Variants in ST6GALNAC3 observed in about 807,000 individuals in gnomAD.
The protein encoded by ST6GALNAC3 is ST6 N-acetylgalactosaminide alpha-2,6-sialyltransferase 3.
ST6GALNAC3 carries 25 observed loss-of-function variants against 32.7 expected under a neutral mutation model. That is an observed-to-expected ratio of 0.76 (90% CI 0.56 to 1.07). The LOEUF is 1.07. Among genes scored for constraint, ST6GALNAC3 ranks in the 50% least tolerant of loss-of-function variants. The pLI, the probability that ST6GALNAC3 is intolerant of heterozygous loss-of-function variation, is 0.00. For synonymous variants in ST6GALNAC3, 129 were observed against 133.1 expected (o/e 0.97, Z 0.21); for missense variants, 355 against 382.4 (o/e 0.93, Z 0.60).
At chr1:76,451,623 G>A (rs574238678) in intron 3 of ST6GALNAC3, among the ~76,000 whole-genome samples, 5 of 152,262 alleles carry the variant, frequency 3.3e-5, no homozygotes, top group East Asian at 3.9e-4. Context: ...TCTTTGCACA[G>A]TTCTTTCACC....
chr1:76,309,476 C>T (rs1646714029), intron 1 of ST6GALNAC3, among the ~76,000 whole-genome samples: 1 of 152,096 alleles, frequency 6.6e-6, no homozygotes, highest in African/African-American at 2.4e-5. Context: ...GATGTGTAGC[C>T]TTCTGTCTCA....
intron 3 of ST6GALNAC3, among the ~76,000 whole-genome samples, chr1:76,568,120 G>A (rs1234493419): frequency 6.6e-6 from 1 of 152,126 alleles, no homozygotes; most frequent in African/African-American, 2.4e-5. Context: ...CTCACCGGGG[G>A]CATTAGCCAG....
chr1:76,315,091 AG>A (rs1384001927), intron 2 of ST6GALNAC3, among the ~76,000 whole-genome samples: 1 of 151,798 alleles, frequency 6.6e-6, no homozygotes, highest in African/African-American at 2.4e-5. Flanking sequence ...GTTGAAAAAA[AG>A]CACCATTAAT....
At position 76,632,116 on chromosome 1, in the gene ST6GALNAC3, A is replaced by T. The variant is rs1347725124; in HGVS notation, c.*3310A>T. ...TAACTATATATAAAAGCATATATAT[A>T]ATCCTATATTCTTCACTGGTGCATG... On this transcript the variant is annotated 3_prime_UTR_variant, in exon 5 of 5. Coordinates refer to ENST00000328299, the MANE Select transcript of ST6GALNAC3 (RefSeq NM_152996.4). 6.6e-6 allele frequency: 1 copy of T among 152,116 alleles called. No individual in the cohort carries two copies. Among genetic ancestry groups the T allele is most frequent in the African/African-American group, 2.4e-5 (1 of 41,430 alleles). The allele number at this position is 152,116 out of a possible 1,614,324, so 9.4% of individuals were successfully genotyped here. A position where few individuals can be genotyped will look rare whatever the true frequency, so the allele number is the denominator to read the frequency against.
At chr1:76,581,611 C>T (rs567278826) in intron 3 of ST6GALNAC3, among the ~76,000 whole-genome samples, 3 of 152,246 alleles carry the variant, frequency 2.0e-5, no homozygotes, top group Admixed American at 2.0e-4. Context: ...AATTTTTGAG[C>T]ATTTAACCTC....
chr1:76,354,703 T>C (rs1022489872), intron 2 of ST6GALNAC3, among the ~76,000 whole-genome samples: 3 of 152,198 alleles, frequency 2.0e-5, no homozygotes, highest in African/African-American at 7.2e-5. Flanking sequence ...TTATTTCTTT[T>C]CAGATGATTA....
chr1:76,190,795 G>C (rs11162098), intron 1 of ST6GALNAC3, among the ~76,000 whole-genome samples: 21,742 of 152,160 alleles, frequency 0.14, 1,731 homozygotes, highest in African/African-American at 0.18. Flanking sequence ...CATCTAAAAA[G>C]AGCAAGAAAG....
intron 1 of ST6GALNAC3, among the ~76,000 whole-genome samples, chr1:76,180,926 TG>T (rs1432060922): frequency 6.6e-6 from 1 of 152,238 alleles, no homozygotes; most frequent in Non-Finnish European, 1.5e-5. Context: ...GGTGTCACGC[TG>T]GCCCTCTGCC....
intron 1 of ST6GALNAC3, among the ~76,000 whole-genome samples, chr1:76,078,934 C>G (rs1646853215): frequency 6.6e-6 from 1 of 152,180 alleles, no homozygotes; most frequent in African/African-American, 2.4e-5. Flanking sequence ...CTATGCACCC[C>G]TATGCCTGGC....
chr1:76,591,667 A>G (rs1218641579), intron 3 of ST6GALNAC3, among the ~76,000 whole-genome samples: 1 of 152,090 alleles, frequency 6.6e-6, no homozygotes, highest in African/African-American at 2.4e-5. Context: ...GAAGACACAT[A>G]TTTGTATTAT....
chr1:76,617,160 A>T (rs1233206448), intron 3 of ST6GALNAC3, among the ~76,000 whole-genome samples: 2 of 152,156 alleles, frequency 1.3e-5, no homozygotes, highest in Admixed American at 1.3e-4. Context: ...GCAAACAGGG[A>T]CTCAGAAATG....
chr1:76,467,163 T>G (rs1658690877), intron 3 of ST6GALNAC3, among the ~76,000 whole-genome samples: 1 of 152,014 alleles, frequency 6.6e-6, no homozygotes, highest in Non-Finnish European at 1.5e-5. Context: ...TAATGAAACC[T>G]CCCATTCTTG....
At chr1:76,227,597 G>A (rs1290610403) in intron 1 of ST6GALNAC3, among the ~76,000 whole-genome samples, 2 of 152,154 alleles carry the variant, frequency 1.3e-5, no homozygotes, top group East Asian at 1.9e-4. Context: ...ATGTGTTATT[G>A]TGTCAAGCAC....
intron 1 of ST6GALNAC3, among the ~76,000 whole-genome samples, chr1:76,168,799 T>G (rs1406254883): frequency 6.6e-6 from 1 of 151,810 alleles, no homozygotes; most frequent in East Asian, 1.9e-4. Context: ...TGCTTTTTTC[T>G]GCTTGGTAGA....
chr1:76,532,196 G>A (rs1663302388), intron 3 of ST6GALNAC3, among the ~76,000 whole-genome samples: 1 of 152,118 alleles, frequency 6.6e-6, no homozygotes, highest in Non-Finnish European at 1.5e-5. Context: ...AGCTACGTAG[G>A]AAACTTGAGC....
At chr1:76,191,969 G>A (rs1653921024) in intron 1 of ST6GALNAC3, among the ~76,000 whole-genome samples, 2 of 152,074 alleles carry the variant, frequency 1.3e-5, no homozygotes, top group Admixed American at 6.6e-5. Flanking sequence ...AAAGTTCAGG[G>A]CCCCTTAGAA....
At position 76,194,275 on chromosome 1, in the gene ST6GALNAC3, G is replaced by A. The variant is rs117368295; in HGVS notation, c.18+119391G>A. Among the ~76,000 whole-genome samples, 202 of 152,240 alleles carry A rather than the reference G, an allele frequency of 1.3e-3. 2 individuals are homozygous for A. The East Asian group carries it at 0.036, about 27-fold the overall frequency. Reference sequence around the variant, plus strand: ...AAATGTAATCTGAGATATAGAGTACGAGCTTAAAGGACTATTATATATGCA... The same window carrying A: ...AAATGTAATCTGAGATATAGAGTACAAGCTTAAAGGACTATTATATATGCA... On this transcript the variant is annotated intron_variant, in intron 1 of 4. Transcript: ENST00000328299.
At chr1:76,172,538 A>G (rs952064359) in intron 1 of ST6GALNAC3, among the ~76,000 whole-genome samples, 2 of 152,230 alleles carry the variant, frequency 1.3e-5, no homozygotes, top group East Asian at 3.9e-4. Flanking sequence ...GAAGAAAGGA[A>G]GTGAAATTGT....
At chr1:76,264,997 A>C (rs1436634013) in intron 1 of ST6GALNAC3, among the ~76,000 whole-genome samples, 1 of 152,042 alleles carries the variant, frequency 6.6e-6, no homozygotes, top group African/African-American at 2.4e-5. Context: ...ATTACAAAAA[A>C]GTAAGTTACC....
Sources: allele counts gnomAD v4.1 joint callset (sites outside exome capture counted in the v4.1 genomes callset), GRCh38; gene constraint gnomAD v4.1.1; transcripts MANE v1.5; gene names NCBI Gene and HGNC (gene_info 2026-07-23, HGNC 2026-07-21).